The following LRP1B variants were observed in gnomAD, a reference collection of about 807,000 sequenced individuals.
The protein encoded by LRP1B is LDL receptor related protein 1B.
A neutral mutation model predicts 556.6 loss-of-function variants in LRP1B; 217 were observed. The ratio of observed to expected loss-of-function variants is 0.39; its 90% confidence interval spans 0.35 to 0.44. The LOEUF is 0.44. Among genes scored for constraint, LRP1B ranks in the 20% least tolerant of loss-of-function variants. The probability of loss-of-function intolerance (pLI) is 1.00; values close to 1 mark genes in which losing one functional copy is unlikely to be tolerated. For missense variants in LRP1B, 5,053 were observed against 5,620.8 expected (o/e 0.90, Z 3.23); for synonymous variants, 2,047 against 1,865.8 (o/e 1.10, Z -2.50).
At chr2:141,288,235 TA>T in intron 3 of LRP1B, among the ~76,000 whole-genome samples, 1 of 81,112 alleles carries the variant, frequency 1.2e-5, no homozygotes, top group East Asian at 2.6e-4. Flanking sequence ...AATGGAATAA[TA>T]ACAAAAAAAA....
At chr2:141,830,310 T>C (rs905353742) in intron 1 of LRP1B, among the ~76,000 whole-genome samples, 2 of 151,790 alleles carry the variant, frequency 1.3e-5, no homozygotes, top group African/African-American at 2.4e-5. Flanking sequence ...CTTGCCTGAT[T>C]TCTACAGTTT....
At chr2:140,516,160 T>C (rs557085892) in intron 50 of LRP1B, among the ~76,000 whole-genome samples, 1 of 152,158 alleles carries the variant, frequency 6.6e-6, no homozygotes, top group Non-Finnish European at 1.5e-5. Flanking sequence ...TACATGTAAT[T>C]AGTACAAAAT....
At chr2:140,620,868 C>G (rs1358869716) in intron 41 of LRP1B, among the ~76,000 whole-genome samples, 1 of 151,976 alleles carries the variant, frequency 6.6e-6, no homozygotes, top group Non-Finnish European at 1.5e-5. Flanking sequence ...ATCCTGAACT[C>G]TAAAATTAAC....
chr2:140,840,599 CA>C (rs1304640213), intron 30 of LRP1B, among the ~76,000 whole-genome samples: 2 of 152,178 alleles, frequency 1.3e-5, no homozygotes, highest in Non-Finnish European at 2.9e-5. Context: ...GTAGCACATG[CA>C]TTTTTAACCA....
intron 26 of LRP1B, 90 bp from the exon 27 acceptor site, chr2:140,867,924 A>G: frequency 7.2e-7 from 1 of 1,387,194 alleles, no homozygotes; most frequent in Middle Eastern, 2.3e-4. Flanking sequence ...ATGACAAAAA[A>G]GGTATTTTAT....
intron 7 of LRP1B, among the ~76,000 whole-genome samples, chr2:141,168,801 C>A (rs1321496554): frequency 6.6e-6 from 1 of 151,994 alleles, no homozygotes; most frequent in East Asian, 1.9e-4. Context: ...ACTTCAGTCT[C>A]CTGTTCTGTA....
At chr2:141,601,419 T>C (rs1687734659) in intron 2 of LRP1B, among the ~76,000 whole-genome samples, 1 of 152,170 alleles carries the variant, frequency 6.6e-6, no homozygotes, top group Non-Finnish European at 1.5e-5. Context: ...TCACTTGCCG[T>C]CTACAGTTTC....
intron 2 of LRP1B, among the ~76,000 whole-genome samples, chr2:141,738,488 C>G (rs973078794): frequency 6.6e-6 from 1 of 151,978 alleles, no homozygotes; most frequent in African/African-American, 2.4e-5. Flanking sequence ...TTCTGTTGAA[C>G]AGCATGCGAC....
At chr2:141,947,419 C>A (rs367993586) in intron 1 of LRP1B, among the ~76,000 whole-genome samples, 1 of 151,622 alleles carries the variant, frequency 6.6e-6, no homozygotes, top group African/African-American at 2.4e-5. Flanking sequence ...CCTGGGGACA[C>A]AGCGAGAGTC....
At chr2:141,123,723 T>C (rs1255021553) in intron 7 of LRP1B, among the ~76,000 whole-genome samples, 3 of 152,166 alleles carry the variant, frequency 2.0e-5, no homozygotes, top group Non-Finnish European at 4.4e-5. Context: ...TTCATTTTCA[T>C]AATTAAAATT....
chr2:140,866,211 A>G (rs184507149), intron 27 of LRP1B, among the ~76,000 whole-genome samples: 119 of 152,216 alleles, frequency 7.8e-4, no homozygotes, highest in South Asian at 1.7e-3. Flanking sequence ...AATCAAAACC[A>G]TTCATATCTT....
At chr2:140,880,971 A>C (rs1278934283) in intron 25 of LRP1B, among the ~76,000 whole-genome samples, 2 of 152,174 alleles carry the variant, frequency 1.3e-5, no homozygotes, top group Non-Finnish European at 2.9e-5. Flanking sequence ...TTGCCACCAA[A>C]AAGCTTAAGA....
chr2:141,971,106 C>T lies in LRP1B; in HGVS notation c.82+159542G>A, dbSNP rs1272366033. ...CCTGACAACCCAAACCTTAAGGTTA[C>T]CAAATCCTTTTGAGCATGGAGCAAT... is the stretch of plus-strand genomic sequence containing the variant. On this transcript the variant is annotated intron_variant, in intron 1 of 90. Transcript: ENST00000389484. Among the ~76,000 whole-genome samples the T allele has an allele frequency of 2.6e-5, 4 of 151,436 alleles. No homozygotes were observed. In the East Asian group the frequency reaches 7.8e-4, roughly 29 times the overall value.
intron 1 of LRP1B, among the ~76,000 whole-genome samples, chr2:142,017,540 G>T (rs1022925468): frequency 6.6e-6 from 1 of 152,024 alleles, no homozygotes; most frequent in Non-Finnish European, 1.5e-5. Context: ...GCACATAGAA[G>T]GTGTTCAGTA....
At chr2:141,291,788 G>A (rs553927688) in intron 3 of LRP1B, among the ~76,000 whole-genome samples, 5 of 146,420 alleles carry the variant, frequency 3.4e-5, no homozygotes, top group African/African-American at 7.6e-5. Flanking sequence ...CCCGGGAGGC[G>A]GAGCTTGCAG....
At chr2:140,616,106 T>TA (rs71860526) in intron 41 of LRP1B, among the ~76,000 whole-genome samples, 34,599 of 149,390 alleles carry the variant, frequency 0.23, 4,214 homozygotes, top group Admixed American at 0.3. Context: ...ATAAAGTTAC[T>TA]AAAAAAAAAA....
intron 2 of LRP1B, among the ~76,000 whole-genome samples, chr2:141,667,230 C>G (rs1225866952): frequency 6.6e-6 from 1 of 152,056 alleles, no homozygotes; most frequent in Non-Finnish European, 1.5e-5. Context: ...AAGTAATAAT[C>G]AGAATGAAAA....
At chr2:140,606,706 T>C (rs765911570) in intron 41 of LRP1B, among the ~76,000 whole-genome samples, 9 of 152,032 alleles carry the variant, frequency 5.9e-5, no homozygotes, top group Admixed American at 1.3e-4. Flanking sequence ...TTATCTCAAA[T>C]ATATAGTACT....
chr2:141,047,058 T>A (rs200838849), intron 11 of LRP1B, among the ~76,000 whole-genome samples: 94,009 of 130,066 alleles, frequency 0.72, 30,909 homozygotes, highest in Non-Finnish European at 0.75. Flanking sequence ...CAAAAATTAA[T>A]AATAATAATA....
Sources: allele counts gnomAD v4.1 joint callset (sites outside exome capture counted in the v4.1 genomes callset), GRCh38; gene constraint gnomAD v4.1.1; transcripts MANE v1.5; gene names NCBI Gene and HGNC (gene_info 2026-07-23, HGNC 2026-07-21).